The following EDIL3 variants were observed in gnomAD, a reference collection of about 807,000 sequenced individuals.
The protein encoded by EDIL3 is EGF like and discoidin domains 3, also known as EGF-like repeat and discoidin I-like domain-containing protein 3.
Under a neutral mutation model 67.4 loss-of-function variants are expected in EDIL3, and 37 were observed. The observed-to-expected ratio is 0.55, with a 90% CI of 0.42 to 0.72. The LOEUF (loss-of-function observed/expected upper bound fraction) is 0.72. Ranked by LOEUF, EDIL3 falls within the 30% of genes least tolerant of loss-of-function variation. The pLI, the probability that EDIL3 is intolerant of heterozygous loss-of-function variation, is 0.00. For missense variants in EDIL3, 527 were observed against 586.3 expected (o/e 0.90, Z 1.04); for synonymous variants, 195 against 196.3 (o/e 0.99, Z 0.05).
In EDIL3 at chr5:84,267,469, A is replaced by G. The variant is rs1410475615; in HGVS notation, c.68-13257T>C. On this transcript the variant is annotated intron_variant, in intron 1 of 10. Transcript: ENST00000296591. ...GACACATGATAGTAGCGCAGATACCAGAATAGACCAGCTTTCAAAAAGATG... is the reference window on the plus strand; with the variant it reads ...GACACATGATAGTAGCGCAGATACCGGAATAGACCAGCTTTCAAAAAGATG... Among the ~76,000 whole-genome samples the G allele has an allele frequency of 2.6e-5, 4 of 152,242 alleles. No individual in the cohort carries two copies. The East Asian group carries it at 5.8e-4, about 22-fold the overall frequency.
At chr5:84,051,421 C>T (rs965481251) in intron 9 of EDIL3, among the ~76,000 whole-genome samples, 4 of 152,324 alleles carry the variant, frequency 2.6e-5, no homozygotes, top group East Asian at 1.9e-4. Context: ...TGCAAAGGAA[C>T]GCAGCTCCTC....
At chr5:84,089,451 T>G (rs1011404232) in intron 6 of EDIL3, among the ~76,000 whole-genome samples, 9 of 152,212 alleles carry the variant, frequency 5.9e-5, no homozygotes, top group African/African-American at 1.9e-4. Context: ...GTTTAGGCCC[T>G]CCTTATATCT....
intron 1 of EDIL3, among the ~76,000 whole-genome samples, chr5:84,299,712 G>A (rs1304684542): frequency 6.6e-6 from 1 of 152,088 alleles, no homozygotes; most frequent in Non-Finnish European, 1.5e-5. Flanking sequence ...GTTAGTAATT[G>A]CCTTTGTTTT....
At chr5:84,267,103 T>C (rs1745366355) in intron 1 of EDIL3, among the ~76,000 whole-genome samples, 1 of 152,220 alleles carries the variant, frequency 6.6e-6, no homozygotes, top group Non-Finnish European at 1.5e-5. Flanking sequence ...ACAACATGGC[T>C]TCAGAAATGA....
intron 5 of EDIL3, among the ~76,000 whole-genome samples, chr5:84,113,908 G>A (rs770662351): frequency 3.3e-5 from 5 of 152,264 alleles, no homozygotes; most frequent in Non-Finnish European, 7.4e-5. Context: ...TTAATACAGC[G>A]TGATAATTGT....
chr5:84,197,718 A>G (rs1346071626), intron 3 of EDIL3, among the ~76,000 whole-genome samples: 2 of 151,942 alleles, frequency 1.3e-5, no homozygotes, highest in Non-Finnish European at 2.9e-5. Context: ...GTAGAACTGA[A>G]AGAAATGCAA....
At chr5:84,076,504 A>G (rs1746859470) in intron 6 of EDIL3, among the ~76,000 whole-genome samples, 1 of 152,186 alleles carries the variant, frequency 6.6e-6, no homozygotes, top group Non-Finnish European at 1.5e-5. Context: ...GTTTTGTAAC[A>G]TTATACATTG....
chr5:84,168,551 TAAG>T (rs747400670), intron 4 of EDIL3, among the ~76,000 whole-genome samples: 10 of 152,104 alleles, frequency 6.6e-5, no homozygotes, highest in Non-Finnish European at 1.5e-4. Flanking sequence ...CTTGAAATCA[TAAG>T]AACAGTATAT....
chr5:84,015,970 T>C lies in EDIL3; in HGVS notation c.1137+44330A>G, dbSNP rs191650327. ...AACTTACTGGCATGGGGGTCTGTAG[T>C]ACAGATCCTCTCATCACCCCGGTCT... is the stretch of plus-strand genomic sequence containing the variant. On this transcript the variant is annotated intron_variant, in intron 9 of 10. Coordinates refer to ENST00000296591, the MANE Select transcript of EDIL3 (RefSeq NM_005711.5). Among the ~76,000 whole-genome samples the C allele has an allele frequency of 7.1e-3, 1,077 of 152,200 alleles. 16 individuals are homozygous for C. The highest frequency in any genetic ancestry group is 0.025 in the African/African-American group (1,036 of 41,544).
chr5:84,327,755 T>A (rs1746793289), intron 1 of EDIL3, among the ~76,000 whole-genome samples: 1 of 152,040 alleles, frequency 6.6e-6, no homozygotes, highest in South Asian at 2.1e-4. Flanking sequence ...TACAAGTTAG[T>A]GTGAATGAGC....
intron 10 of EDIL3, among the ~76,000 whole-genome samples, chr5:83,951,797 T>C (rs1232701831): frequency 6.6e-6 from 1 of 151,660 alleles, no homozygotes; most frequent in Non-Finnish European, 1.5e-5. Flanking sequence ...TTGATAGTAT[T>C]TTTTTTAGAA....
chr5:84,120,593 T>C (rs1351023975), intron 5 of EDIL3, among the ~76,000 whole-genome samples: 1 of 152,028 alleles, frequency 6.6e-6, no homozygotes, highest in East Asian at 1.9e-4. Flanking sequence ...TACTTGTCCA[T>C]GACTAAAAAT....
chr5:84,092,525 C>T (rs1409343401), intron 6 of EDIL3, among the ~76,000 whole-genome samples: 1 of 152,090 alleles, frequency 6.6e-6, no homozygotes, highest in East Asian at 1.9e-4. Flanking sequence ...TTCTCTATAA[C>T]TCTTTGTGTT....
intron 3 of EDIL3, among the ~76,000 whole-genome samples, chr5:84,212,358 A>T (rs1370903956): frequency 1.3e-5 from 2 of 152,200 alleles, no homozygotes; most frequent in African/African-American, 4.8e-5. Context: ...AAACCATTCC[A>T]ATTGCATCCA....
intron 9 of EDIL3, among the ~76,000 whole-genome samples, chr5:84,059,138 T>C (rs1408977044): frequency 2.0e-5 from 3 of 152,102 alleles, no homozygotes; most frequent in East Asian, 3.9e-4. Context: ...TGGGGGCTTA[T>C]GCCTGTAATC....
intron 1 of EDIL3, among the ~76,000 whole-genome samples, chr5:84,318,993 G>T (rs1488650337): frequency 2.6e-5 from 4 of 152,224 alleles, no homozygotes; most frequent in East Asian, 3.9e-4. Flanking sequence ...ATGAGCAAAT[G>T]ATATGAACAG....
At chr5:84,215,324 G>T (rs904989621) in intron 3 of EDIL3, among the ~76,000 whole-genome samples, 1 of 151,658 alleles carries the variant, frequency 6.6e-6, no homozygotes, top group Non-Finnish European at 1.5e-5. Flanking sequence ...CACAATCTCG[G>T]CTCATTGCAA....
chr5:84,132,409 AAC>A lies in EDIL3; in HGVS notation c.469+4830_469+4831del, dbSNP rs1561440663. ...ATATTTTATATATAATATATATTTT[AAC>A]ATATATTATATATTTTATATATAAT... On this transcript the variant is annotated intron_variant, in intron 5 of 10. Transcript: ENST00000296591. Among the ~76,000 whole-genome samples, 27 of 3,572 alleles carry A rather than the reference AAC, an allele frequency of 7.6e-3. 3 individuals are homozygous for A. The highest frequency in any genetic ancestry group is 0.019 in the African/African-American group (26 of 1,390). 2.3% of individuals were successfully genotyped at this position (3,572 alleles called of 152,430 possible). A position where few individuals can be genotyped will look rare whatever the true frequency, so the allele number is the denominator to read the frequency against.
intron 3 of EDIL3, among the ~76,000 whole-genome samples, chr5:84,205,010 AC>A (rs1308242742): frequency 6.6e-6 from 1 of 151,860 alleles, no homozygotes; most frequent in Non-Finnish European, 1.5e-5. Flanking sequence ...TCTCCCGGGC[AC>A]AAGCAATCCT....
Sources: allele counts gnomAD v4.1 joint callset (sites outside exome capture counted in the v4.1 genomes callset), GRCh38; gene constraint gnomAD v4.1.1; transcripts MANE v1.5; gene names NCBI Gene and HGNC (gene_info 2026-07-23, HGNC 2026-07-21).